KHDRBS1: variants seen among roughly 807,000 people sequenced by gnomAD.
KHDRBS1 encodes KH RNA binding domain containing, signal transduction associated 1.
In KHDRBS1, 7 loss-of-function variants were observed where a neutral mutation model predicts 48.4. The ratio of observed to expected loss-of-function variants is 0.14; its 90% CI spans 0.08 to 0.27. The LOEUF (loss-of-function observed/expected upper bound fraction) is 0.27. Ranked by LOEUF, KHDRBS1 falls within the 10% of genes least tolerant of loss-of-function variation. The probability of loss-of-function intolerance (pLI) is 1.00; values close to 1 mark genes in which losing one functional copy is unlikely to be tolerated. For missense variants in KHDRBS1, 458 were observed against 601.2 expected (o/e 0.76, Z 2.49); for synonymous variants, 241 against 235.8 (o/e 1.02, Z -0.20).
intron 7 of KHDRBS1, 73 bp downstream of exon 7, chr1:32,038,692 T>C (rs1400200563): frequency 6.3e-6 from 9 of 1,421,168 alleles, no homozygotes; most frequent in Non-Finnish European, 7.9e-6. Flanking sequence ...CAGAGAGATT[T>C]AGACAGTACA....
intron 4 of KHDRBS1, among the ~76,000 whole-genome samples, chr1:32,034,905 C>T (rs763723969): frequency 7.3e-5 from 11 of 150,782 alleles, no homozygotes; most frequent in Non-Finnish European, 1.3e-4. Context: ...GGTATGAACC[C>T]GGGAGGCGGA....
chr1:32,020,076 G>A (rs1028291219), intron 1 of KHDRBS1, among the ~76,000 whole-genome samples: 2 of 151,194 alleles, frequency 1.3e-5, no homozygotes, highest in African/African-American at 4.8e-5. Flanking sequence ...CCCAATGCAG[G>A]TTTTGTTTGT....
intron 1 of KHDRBS1, among the ~76,000 whole-genome samples, 156 bp downstream of exon 1, chr1:32,014,533 C>T (rs534598708): frequency 2.0e-5 from 3 of 152,362 alleles, no homozygotes; most frequent in African/African-American, 4.8e-5. Flanking sequence ...CACATTCCCA[C>T]CTCAGCCCGG....
In KHDRBS1 at chr1:32,021,147, A is replaced by G. The variant is rs552761963; in HGVS notation, c.382+6770A>G. Among the ~76,000 whole-genome samples, 486 of 152,274 alleles carry G rather than the reference A, an allele frequency of 3.2e-3. 1 individual carries two copies. The highest frequency in any genetic ancestry group is 0.011 in the African/African-American group (461 of 41,552). On this transcript the variant is annotated intron_variant, in intron 1 of 8. Transcript: ENST00000327300. ...AAAAAAAAAAATTTTCAAAGTTGCA[A>G]AGCTCTAAATTGTGCACTAAGGAAA...
chr1:32,056,836 A>G (rs1639484140), intron 10 of KHDRBS1, among the ~76,000 whole-genome samples: 1 of 152,256 alleles, frequency 6.6e-6, no homozygotes, highest in Non-Finnish European at 1.5e-5. Flanking sequence ...ATTATACATT[A>G]GAACACCTAC....
At chr1:32,021,779 G>C (rs1455441564) in intron 1 of KHDRBS1, among the ~76,000 whole-genome samples, 1 of 151,542 alleles carries the variant, frequency 6.6e-6, no homozygotes, top group African/African-American at 2.4e-5. Flanking sequence ...ACCACACCTG[G>C]CTAATTTTTG....
chr1:32,032,686 T>C (rs1639103157), intron 3 of KHDRBS1, among the ~76,000 whole-genome samples: 1 of 152,008 alleles, frequency 6.6e-6, no homozygotes, highest in African/African-American at 2.4e-5. Context: ...ATTACTGTTC[T>C]TGAGAGTTTG....
chr1:32,047,230 C>T (rs1220734482), downstream of KHDRBS1, among the ~76,000 whole-genome samples: 2 of 152,194 alleles, frequency 1.3e-5, no homozygotes, highest in Non-Finnish European at 2.9e-5. Flanking sequence ...GTGATTTCAG[C>T]TTACTGCGAC....
intron 4 of KHDRBS1, among the ~76,000 whole-genome samples, chr1:32,034,500 C>T (rs1353409130): frequency 2.6e-5 from 4 of 151,796 alleles, no homozygotes; most frequent in East Asian, 3.9e-4. Context: ...GCAGAGGTTG[C>T]GGTAAGCTGA....
intron 1 of KHDRBS1, among the ~76,000 whole-genome samples, chr1:32,022,235 T>C (rs941810154): frequency 1.3e-5 from 2 of 152,086 alleles, no homozygotes; most frequent in African/African-American, 4.8e-5. Context: ...ATAGTCTCGA[T>C]CTCCTGCCCA....
At chr1:32,025,402 G>A (rs1193711926) in intron 1 of KHDRBS1, among the ~76,000 whole-genome samples, 8 of 140,286 alleles carry the variant, frequency 5.7e-5, no homozygotes, top group African/African-American at 2.2e-4. Flanking sequence ...CCGGGTTCAA[G>A]CAATTCTTCT....
chr1:32,040,764 G>A (rs892737075), intron 8 of KHDRBS1, among the ~76,000 whole-genome samples: 1 of 152,162 alleles, frequency 6.6e-6, no homozygotes, highest in African/African-American at 2.4e-5. Context: ...GGGGCTCAGC[G>A]ATTGACAGTT....
At chr1:32,049,018 G>A (rs1018527855) in intron 10 of KHDRBS1, among the ~76,000 whole-genome samples, 1 of 151,172 alleles carries the variant, frequency 6.6e-6, no homozygotes, top group Non-Finnish European at 1.5e-5. Context: ...ACAATAAGTG[G>A]TCTTCTGTGA....
In KHDRBS1 at chr1:32,031,625, G is replaced by T; in HGVS notation, c.609G>T (p.Met203Ile). 1.2e-6 allele frequency: 2 copies of T among 1,606,494 alleles called. No individual in the cohort carries two copies. Among genetic ancestry groups the T allele is most frequent in the South Asian group, 2.2e-5 (2 of 89,844 alleles). ...AKISVLGKGS[M>I]RDKAKEEELR... is the part of the protein sequence containing the mutation. ...TCTCTGTATTGGGAAAGGGCTCAAT[G>T]AGAGACAAAGCCAAGGTAAGCTCAC... Residue 203 changes from methionine to isoleucine, a missense_variant, in exon 3 of 9, where the codon ATG becomes ATT. By Grantham distance (10) the Met-to-Ile change is conservative. Around this residue, in one of 3 missense-constraint regions of KHDRBS1, gnomAD observed 74 missense variants for 156.9 expected, o/e 0.47. Transcript: ENST00000327300.
chr1:32,034,585 T>C (rs1249365407), intron 4 of KHDRBS1, among the ~76,000 whole-genome samples: 2 of 152,066 alleles, frequency 1.3e-5, no homozygotes, highest in Non-Finnish European at 2.9e-5. Context: ...AAATAAGTTT[T>C]TAGGCATTGT....
At chr1:32,041,863 C>T (rs552378514) in intron 8 of KHDRBS1, among the ~76,000 whole-genome samples, 7 of 152,274 alleles carry the variant, frequency 4.6e-5, no homozygotes, top group East Asian at 1.9e-4. Flanking sequence ...GCTGGGATTA[C>T]GGGCGTGAGC....
At chr1:32,032,703 T>C (rs1215034518) in intron 3 of KHDRBS1, among the ~76,000 whole-genome samples, 1 of 135,730 alleles carries the variant, frequency 7.4e-6, no homozygotes, top group Non-Finnish European at 1.5e-5. Context: ...TTTGTTTTAC[T>C]TTTTTTTTTT....
rs189156085 is a variant in KHDRBS1, at chr1:32,042,034, G to A, written c.1235-493G>A. Among the ~76,000 whole-genome samples, 78 of 152,290 alleles carry A rather than the reference G, an allele frequency of 5.1e-4. No homozygotes were observed. The South Asian group carries it at 6.6e-3, about 13-fold the overall frequency. Reference sequence around the variant, plus strand: ...CCAGGGAGCTAGAGGACACTTCTCCGTAAGGAAACGTGACTTGCTGTTGCA... The same window carrying A: ...CCAGGGAGCTAGAGGACACTTCTCCATAAGGAAACGTGACTTGCTGTTGCA... On this transcript the variant is annotated intron_variant, in intron 8 of 8. Coordinates refer to ENST00000327300, the MANE Select transcript of KHDRBS1 (RefSeq NM_006559.3).
intron 1 of KHDRBS1, among the ~76,000 whole-genome samples, chr1:32,022,226 T>C (rs1638873806): frequency 6.6e-6 from 1 of 151,026 alleles, no homozygotes; most frequent in African/African-American, 2.4e-5. Flanking sequence ...TTGGCCAGGA[T>C]AGTCTCGATC....
Sources: gnomAD v4.1 joint callset for allele counts (sites outside exome capture counted in the v4.1 genomes callset) on GRCh38, gnomAD v4.1.1 for gene constraint, gnomAD v4.1.1 regional missense constraint, MANE v1.5 for transcripts, NCBI Gene and HGNC (gene_info 2026-07-23, HGNC 2026-07-21) for gene names.